PHKA2: variants seen among roughly 807,000 people sequenced by gnomAD.
PHKA2 encodes phosphorylase b kinase regulatory subunit alpha, liver isoform.
PHKA2 carries 31 observed loss-of-function variants against 102.0 expected under a neutral mutation model. The ratio of observed to expected loss-of-function variants is 0.30; its 90% CI spans 0.23 to 0.41. The LOEUF is 0.41. Ranked by LOEUF, PHKA2 falls within the 10% of genes least tolerant of loss-of-function variation. The pLI, the probability that PHKA2 is intolerant of heterozygous loss-of-function variation, is 1.00. For synonymous variants in PHKA2, 455 were observed against 416.2 expected, an observed-to-expected ratio of 1.09 and a Z score of -1.13; for missense variants, 858 against 1,023.1, an observed-to-expected ratio of 0.84 and a Z score of 2.20.
At position 18,930,119 on chromosome X, in the gene PHKA2, G is replaced by A. The variant is rs148946631; in HGVS notation, c.1246-813C>T. On this transcript the variant is annotated intron_variant, in intron 12 of 32. Coordinates refer to ENST00000379942, the MANE Select transcript of PHKA2 (RefSeq NM_000292.3). The stretch of plus-strand genomic sequence containing the variant: ...AACAGAAAATTTCCCCTAGATCTTG[G>A]GGTATTCATTCTGAAGGCTCCCCTG... Among the ~76,000 whole-genome samples, 434 of 112,240 alleles carry A rather than the reference G, an allele frequency of 3.9e-3. 2 individuals carry two copies. Among genetic ancestry groups the A allele is most frequent in the African/African-American group, 0.013 (412 of 30,916 alleles).
intron 26 of PHKA2, 73 bp downstream of exon 26, chrX:18,905,685 G>T: frequency 1.4e-6 from 1 of 695,073 alleles, no homozygotes; most frequent in Non-Finnish European, 2.4e-6. Context: ...ATGCCCCACA[G>T]TGCTGGTTCT....
intron 26 of PHKA2, among the ~76,000 whole-genome samples, chrX:18,902,446 G>T (rs1296346699): frequency 9.2e-6 from 1 of 108,653 alleles, no homozygotes; most frequent in Non-Finnish European, 1.9e-5. Context: ...CTTGCTTTTG[G>T]ATAAGTAAAA....
At chrX:18,923,072 C>A (rs1215926063) in intron 17 of PHKA2, among the ~76,000 whole-genome samples, 1 of 85,575 alleles carries the variant, frequency 1.2e-5, no homozygotes, top group Non-Finnish European at 2.2e-5. Context: ...TTTTTTGAGA[C>A]GGAGTCTCAT....
chrX:18,976,582 C>T (rs1198977741), intron 1 of PHKA2, among the ~76,000 whole-genome samples: 2 of 111,695 alleles, frequency 1.8e-5, no homozygotes, highest in Admixed American at 1.9e-4. Context: ...GCCACATTCA[C>T]ATAATTTTTA....
intron 1 of PHKA2, among the ~76,000 whole-genome samples, chrX:18,960,710 A>C (rs1311987963): frequency 8.9e-6 from 1 of 112,577 alleles, no homozygotes; most frequent in African/African-American, 3.2e-5. Flanking sequence ...ACATTTCAAC[A>C]TGAGATTTTG....
At chrX:18,944,100 C>G (rs1879862878) in intron 6 of PHKA2, among the ~76,000 whole-genome samples, 2 of 111,023 alleles carry the variant, frequency 1.8e-5, no homozygotes, top group African/African-American at 6.6e-5. Flanking sequence ...CAGGCGTGAA[C>G]CACTGTGCCC....
At chrX:18,963,264 G>C (rs1476835165) in intron 1 of PHKA2, among the ~76,000 whole-genome samples, 1 of 112,520 alleles carries the variant, frequency 8.9e-6, no homozygotes, top group Non-Finnish European at 1.9e-5. Context: ...GCACGGTTGA[G>C]AGATGGGCAG....
intron 1 of PHKA2, among the ~76,000 whole-genome samples, chrX:18,960,204 G>A (rs1015539277): frequency 8.9e-5 from 10 of 111,756 alleles, no homozygotes; most frequent in Admixed American, 2.9e-4. Flanking sequence ...TACAACAAAC[G>A]TTTGCTTCTT....
intron 26 of PHKA2, among the ~76,000 whole-genome samples, chrX:18,905,049 C>T (rs2047779977): frequency 9.0e-6 from 1 of 111,688 alleles, no homozygotes; most frequent in South Asian, 3.8e-4. Context: ...GAGGGGTCTC[C>T]TCCCTGCCCT....
chrX:18,970,202 G>T (rs2049001607), intron 1 of PHKA2, among the ~76,000 whole-genome samples: 1 of 112,416 alleles, frequency 8.9e-6, no homozygotes, highest in Non-Finnish European at 1.9e-5. Context: ...TGGTGCCACT[G>T]CACTACAGCC....
chrX:18,941,622 A>C lies in PHKA2; in HGVS notation c.771T>G (p.Ala257=). ...PRASTSKEID[A]GLLSIISFPA... The stretch of plus-strand genomic sequence containing the variant: ...GGAAGGAAATAATGGAAAGAAGTCC[A>C]GCATCAATTTCTTTAGATGTCGACG... Residue 257 remains alanine (A), a synonymous_variant, in exon 8 of 33, where the codon GCT becomes GCG. Coordinates refer to ENST00000379942, the MANE Select transcript of PHKA2 (RefSeq NM_000292.3). 1.7e-6 allele frequency: 2 copies of C among 1,167,569 alleles called. No individual in the cohort carries two copies. Among genetic ancestry groups the C allele is most frequent in the Non-Finnish European group, 2.3e-6 (2 of 854,385 alleles).
Position 18,893,406 on chromosome X carries a change from C to G in PHKA2, c.*79G>C, listed in dbSNP as rs1023029634. 12 of 1,005,035 alleles carry G rather than the reference C, an allele frequency of 1.2e-5. No individual in the cohort carries two copies. The highest frequency in any genetic ancestry group is 1.5e-5 in the Non-Finnish European group (11 of 710,531). The allele number at this position is 1,005,035 out of a possible 1,213,427, so 82.8% of individuals were successfully genotyped here. On this transcript the variant is annotated 3_prime_UTR_variant, in exon 33 of 33. Coordinates refer to ENST00000379942, the MANE Select transcript of PHKA2 (RefSeq NM_000292.3). ...ATGCTTTCCTGATAGCACAGGGGAT[C>G]TTGGGGGACAGAAGGTTCCCAGTAA...
intron 26 of PHKA2, among the ~76,000 whole-genome samples, chrX:18,903,455 G>A (rs754143685): frequency 8.2e-4 from 92 of 112,501 alleles, no homozygotes; most frequent in Non-Finnish European, 1.4e-3. Flanking sequence ...AGCTGTGGCC[G>A]TGGGCTGGAT....
chrX:18,929,961 C>G (rs956487244), intron 12 of PHKA2, among the ~76,000 whole-genome samples: 4 of 112,586 alleles, frequency 3.6e-5, no homozygotes, highest in Non-Finnish European at 5.6e-5. Flanking sequence ...CTGCCCCACA[C>G]TCAGAAGGAA....
At chrX:18,894,666 A>G (rs1467560104) in intron 31 of PHKA2, 33 of 429,488 alleles carry the variant, frequency 7.7e-5, no homozygotes, top group Middle Eastern at 1.3e-3. Context: ...GGGAGCAGGG[A>G]CCATTTCTGG....
intron 1 of PHKA2, among the ~76,000 whole-genome samples, chrX:18,980,810 C>T (rs1432454764): frequency 1.8e-5 from 2 of 111,850 alleles, no homozygotes; most frequent in Non-Finnish European, 3.8e-5. Flanking sequence ...TCGTCCCACT[C>T]GACGAGAAAT....
intron 27 of PHKA2, among the ~76,000 whole-genome samples, chrX:18,900,902 A>G (rs998359412): frequency 9.0e-6 from 1 of 111,037 alleles, no homozygotes; most frequent in African/African-American, 3.3e-5. Context: ...TCATGGTCAG[A>G]GGGAAACTCT....
chrX:18,971,999 A>ATCAAT (rs1404698301), intron 1 of PHKA2, among the ~76,000 whole-genome samples: 1 of 112,928 alleles, frequency 8.9e-6, no homozygotes, highest in Non-Finnish European at 1.9e-5. Context: ...AGTTGAATTT[A>ATCAAT]TCAATTTATT....
intron 30 of PHKA2, 28 bp from the exon 31 acceptor site, chrX:18,895,219 T>C (rs377002507): frequency 1.5e-4 from 172 of 1,185,467 alleles, no homozygotes; most frequent in Non-Finnish European, 1.9e-4. Flanking sequence ...CGCATTTCAG[T>C]CAGATTCCAG....
Sources: allele counts gnomAD v4.1 joint callset (sites outside exome capture counted in the v4.1 genomes callset), GRCh38; gene constraint gnomAD v4.1.1; transcripts MANE v1.5; gene names NCBI Gene and HGNC (gene_info 2026-07-23, HGNC 2026-07-21).